TRAPPC9: variants seen among roughly 807,000 people sequenced by gnomAD.
The protein encoded by TRAPPC9 is trafficking protein particle complex subunit 9, also known as IKK2 binding protein.
TRAPPC9 carries 83 observed loss-of-function variants against 124.0 expected under a neutral mutation model. That is an observed-to-expected ratio of 0.67 (90% confidence interval 0.56 to 0.80). The LOEUF (loss-of-function observed/expected upper bound fraction) is 0.80. Ranked by LOEUF, TRAPPC9 falls within the 30% of genes least tolerant of loss-of-function variation. The pLI is 0.00. For synonymous variants in TRAPPC9, 638 were observed against 617.5 expected (o/e 1.03, Z -0.49); for missense variants, 1,302 against 1,508.3 (o/e 0.86, Z 2.27).
chr8:140,444,061 G>C (rs1041263106), intron 2 of TRAPPC9, among the ~76,000 whole-genome samples: 1 of 74,838 alleles, frequency 1.3e-5, no homozygotes, highest in East Asian at 3.8e-4. Context: ...AAAAAAAAAA[G>C]ATTAGCCGGG....
intron 21 of TRAPPC9, among the ~76,000 whole-genome samples, chr8:139,815,877 A>G (rs541721950): frequency 6.6e-6 from 1 of 152,022 alleles, no homozygotes; most frequent in Admixed American, 6.5e-5. Context: ...TCATCACCTG[A>G]CTCTTAGGAG....
intron 2 of TRAPPC9, among the ~76,000 whole-genome samples, chr8:140,441,480 A>T (rs186601523): frequency 2.4e-4 from 36 of 152,334 alleles, no homozygotes; most frequent in African/African-American, 8.4e-4. Context: ...CAACAACAAA[A>T]CTTTACTCCT....
chr8:139,923,409 G>A (rs1832625699), intron 19 of TRAPPC9, among the ~76,000 whole-genome samples: 1 of 152,196 alleles, frequency 6.6e-6, no homozygotes, highest in South Asian at 2.1e-4. Flanking sequence ...GAACACATGG[G>A]AGCTGCACGG....
intron 21 of TRAPPC9, among the ~76,000 whole-genome samples, chr8:139,828,993 A>G (rs1045476960): frequency 7.2e-5 from 11 of 152,202 alleles, no homozygotes; most frequent in African/African-American, 2.4e-4. Flanking sequence ...CTTTCCTTCC[A>G]TATATGTTCT....
chr8:140,103,877 T>C (rs781398382), intron 17 of TRAPPC9, among the ~76,000 whole-genome samples: 2 of 152,166 alleles, frequency 1.3e-5, no homozygotes, highest in Non-Finnish European at 2.9e-5. Flanking sequence ...GCAGCCCAAC[T>C]CCTGTGTTCT....
At chr8:139,953,379 G>A (rs532118656) in intron 19 of TRAPPC9, among the ~76,000 whole-genome samples, 15 of 152,260 alleles carry the variant, frequency 9.9e-5, no homozygotes, top group African/African-American at 3.6e-4. Flanking sequence ...TATAATCTCA[G>A]CTACTCAGGA....
At chr8:139,831,262 G>T (rs534707598) in intron 21 of TRAPPC9, among the ~76,000 whole-genome samples, 4 of 152,162 alleles carry the variant, frequency 2.6e-5, no homozygotes, top group African/African-American at 7.2e-5. Flanking sequence ...CTGCTGTGTC[G>T]TGTGTGTCTG....
intron 17 of TRAPPC9, among the ~76,000 whole-genome samples, chr8:140,103,685 C>T (rs1000431657): frequency 2.5e-4 from 38 of 152,184 alleles, no homozygotes; most frequent in African/African-American, 7.0e-4. Flanking sequence ...CTAATGATAC[C>T]TTCATGACTA....
chr8:140,185,826 T>C (rs2062342313), intron 17 of TRAPPC9, among the ~76,000 whole-genome samples: 1 of 152,106 alleles, frequency 6.6e-6, no homozygotes, highest in South Asian at 2.1e-4. Flanking sequence ...CAAATATATA[T>C]TTTAGGAAGT....
intron 17 of TRAPPC9, among the ~76,000 whole-genome samples, chr8:140,170,097 A>G (rs748177627): frequency 5.1e-4 from 77 of 152,324 alleles, no homozygotes; most frequent in African/African-American, 1.5e-3. Flanking sequence ...TAAAATTATT[A>G]TATAAATGTT....
chr8:140,027,999 G>A, intron 17 of TRAPPC9, among the ~76,000 whole-genome samples: 1 of 152,084 alleles, frequency 6.6e-6, no homozygotes, highest in South Asian at 2.1e-4. Context: ...AGATTTGGGT[G>A]GGGACACAGA....
chr8:139,850,984 C>A (rs181265849), intron 21 of TRAPPC9, among the ~76,000 whole-genome samples: 29 of 152,286 alleles, frequency 1.9e-4, no homozygotes, highest in African/African-American at 6.7e-4. Context: ...AAGAAAACTG[C>A]AGAAGCTCTC....
chr8:140,158,539 C>G (rs776723401), intron 17 of TRAPPC9, among the ~76,000 whole-genome samples: 1 of 152,220 alleles, frequency 6.6e-6, no homozygotes, highest in African/African-American at 2.4e-5. Context: ...TGCAAGATAA[C>G]AAATTTGTGT....
rs529592109 is a variant in TRAPPC9 at position 140,042,435 on chromosome 8, C to T, written c.2557-18356G>A. Among the ~76,000 whole-genome samples, 29 of 152,368 alleles carry T rather than the reference C, an allele frequency of 1.9e-4. 1 individual carries two copies. Among genetic ancestry groups the T allele is most frequent in the Non-Finnish European group, 7.3e-5 (5 of 68,034 alleles). ...GGAGGCAGCCACCTTGCGGAACACA[C>T]GCATGCTCCAAGGATGGTTCCGGCT... On this transcript the variant is annotated intron_variant, in intron 17 of 22. Transcript: ENST00000438773.
chr8:139,874,035 A>G (rs770948258), intron 21 of TRAPPC9, among the ~76,000 whole-genome samples: 10 of 152,230 alleles, frequency 6.6e-5, no homozygotes, highest in Non-Finnish European at 1.5e-4. Context: ...TGGGTCAGTC[A>G]ACCACCCTGA....
intron 7 of TRAPPC9, among the ~76,000 whole-genome samples, chr8:140,378,479 T>G (rs1437546440): frequency 6.6e-6 from 1 of 152,218 alleles, no homozygotes; most frequent in African/African-American, 2.4e-5. Flanking sequence ...TTCTTCATTT[T>G]TGAGACTCGG....
chr8:139,904,275 A>T (rs1831202058), intron 20 of TRAPPC9, among the ~76,000 whole-genome samples: 1 of 152,216 alleles, frequency 6.6e-6, no homozygotes, highest in Non-Finnish European at 1.5e-5. Context: ...CTAATTAAAG[A>T]CTGTAACTAA....
chr8:140,115,637 C>T lies in TRAPPC9; in HGVS notation c.2557-91558G>A, dbSNP rs527868839. On this transcript the variant is annotated intron_variant, in intron 17 of 22. Transcript: ENST00000438773. The stretch of plus-strand genomic sequence containing the variant: ...ATTTTCAATCTATGGTTGCCTGAAT[C>T]TAAGGATGTGGAACCGGCAGATGCA... Among the ~76,000 whole-genome samples the T allele has an allele frequency of 5.3e-5, 8 of 151,692 alleles. No individual in the cohort carries two copies. In the South Asian group the frequency reaches 1.7e-3, roughly 32 times the overall value.
At chr8:139,767,800 C>A (rs1030264712) in intron 21 of TRAPPC9, among the ~76,000 whole-genome samples, 1 of 152,222 alleles carries the variant, frequency 6.6e-6, no homozygotes, top group Admixed American at 6.5e-5. Flanking sequence ...TAGCACAATT[C>A]TTTTTGGCCT....
Sources: allele counts gnomAD v4.1 joint callset (sites outside exome capture counted in the v4.1 genomes callset), GRCh38; gene constraint gnomAD v4.1.1; transcripts MANE v1.5; gene names NCBI Gene and HGNC (gene_info 2026-07-23, HGNC 2026-07-21).